The following LUC7L3 variants were observed in gnomAD, a reference collection of about 807,000 sequenced individuals.
The protein encoded by LUC7L3 is luc7-like protein 3.
Under a neutral mutation model 66.8 loss-of-function variants are expected in LUC7L3, and 6 were observed. The ratio of observed to expected loss-of-function variants is 0.09; its 90% confidence interval spans 0.05 to 0.18. The LOEUF (loss-of-function observed/expected upper bound fraction) is 0.18. Ranked by LOEUF, LUC7L3 falls within the 10% of genes least tolerant of loss-of-function variation. The pLI is 1.00. For synonymous variants in LUC7L3, 160 were observed against 174.7 expected, an observed-to-expected ratio of 0.92 and a Z score of 0.66; for missense variants, 341 against 531.1, an observed-to-expected ratio of 0.64 and a Z score of 3.52.
At chr17:50,737,833 G>C (rs1382641715) in intron 2 of LUC7L3, among the ~76,000 whole-genome samples, 1 of 152,134 alleles carries the variant, frequency 6.6e-6, no homozygotes, top group Non-Finnish European at 1.5e-5. Context: ...AGAGAGACTA[G>C]TTTATCTGAA....
chr17:50,750,065 T>C (rs1362557851), intron 9 of LUC7L3, among the ~76,000 whole-genome samples: 1 of 152,214 alleles, frequency 6.6e-6, no homozygotes, highest in African/African-American at 2.4e-5. Flanking sequence ...GTTGTAGTTT[T>C]TAAAACATGC....
In LUC7L3 at chr17:50,741,701, A is replaced by G. The variant is rs1970358368; in HGVS notation, c.396A>G (p.Leu132=). ...AAAATGAAGAAAAAATTCAGGTTCT[A>G]ACAGACAAAATTGATGTACTTCTGC... ...TGKNEEKIQV[L]TDKIDVLLQQ... The change falls in exon 5 of 10, where the codon CTA becomes CTG. Residue 132 remains leucine (L), a synonymous_variant. Transcript: ENST00000505658. The G allele has an allele frequency of 6.2e-7, 1 of 1,614,032 alleles. No individual in the cohort carries two copies. Among genetic ancestry groups the G allele is most frequent in the Non-Finnish European group, 8.5e-7 (1 of 1,179,886 alleles).
At chr17:50,723,903 G>C (rs886425208) in intron 1 of LUC7L3, 5 of 446,020 alleles carry the variant, frequency 1.1e-5, no homozygotes, top group Non-Finnish European at 1.8e-5. Context: ...CCAAAGTGCT[G>C]AGGTTACAGG....
chr17:50,724,552 C>G (rs72839259), intron 1 of LUC7L3, among the ~76,000 whole-genome samples: 12,815 of 150,772 alleles, frequency 0.085, 694 homozygotes, highest in Middle Eastern at 0.15. Context: ...AACCACAATA[C>G]CATAATCACT....
At chr17:50,735,667 T>C (rs570992679) in intron 1 of LUC7L3, among the ~76,000 whole-genome samples, 1 of 152,082 alleles carries the variant, frequency 6.6e-6, no homozygotes, top group South Asian at 2.1e-4. Context: ...CTGGCTACTT[T>C]CTGTATTTTT....
In LUC7L3 at chr17:50,741,205, C is replaced by A; in HGVS notation, c.310C>A (p.His104Asn). 1 of 1,614,118 alleles carries A rather than the reference C, an allele frequency of 6.2e-7. No homozygotes were observed. The highest frequency in any genetic ancestry group is 8.5e-7 in the Non-Finnish European group (1 of 1,179,984). Reference protein sequence around the residue: ...AEVERRIRRGHARLALSQNQQ... With the variant: ...AEVERRIRRGNARLALSQNQQ... ...AGTAGAACGTAGGATCAGACGAGGC[C>A]ATGCTCGTTTGGCATTATCTCAAAA... The change falls in exon 4 of 10, where the codon CAT becomes AAT. Residue 104 changes from histidine to asparagine, a missense_variant. Transcript: ENST00000505658.
At chr17:50,731,482 CTTA>C (rs1052198780) in intron 1 of LUC7L3, among the ~76,000 whole-genome samples, 1 of 152,122 alleles carries the variant, frequency 6.6e-6, no homozygotes, top group African/African-American at 2.4e-5. Flanking sequence ...TGGGTTTGTT[CTTA>C]TTATCATTAT....
intron 1 of LUC7L3, among the ~76,000 whole-genome samples, chr17:50,733,632 A>C (rs1162675187): frequency 6.6e-6 from 1 of 151,726 alleles, no homozygotes; most frequent in Admixed American, 6.6e-5. Flanking sequence ...CAATCTCCTG[A>C]CCTCGTGATC....
chr17:50,753,829 TAAATG>T lies in LUC7L3; in HGVS notation c.*3171_*3175del, dbSNP rs1376773595. On this transcript the variant is annotated 3_prime_UTR_variant, in exon 10 of 10. Transcript: ENST00000505658. ...ATCTAGAATCAACGTCTAACTAACTTAAATGAAGTATAATAAATGAGTTCATATGA... is the reference window on the plus strand; with the variant it reads ...ATCTAGAATCAACGTCTAACTAACTTAAGTATAATAAATGAGTTCATATGA... 1 of 152,182 alleles carries T rather than the reference TAAATG, an allele frequency of 6.6e-6. No homozygotes were observed. Among genetic ancestry groups the T allele is most frequent in the Non-Finnish European group, 1.5e-5 (1 of 68,034 alleles). 9.4% of individuals were successfully genotyped at this position (152,182 alleles called of 1,614,324 possible).
At chr17:50,738,310 C>A in intron 2 of LUC7L3, 1 of 223,242 alleles carries the variant, frequency 4.5e-6, no homozygotes, top group Non-Finnish European at 9.3e-6. Flanking sequence ...AACTTCCAGT[C>A]AGATTTTGGA....
chr17:50,723,737 C>T (rs1274936413), intron 1 of LUC7L3: 4 of 300,698 alleles, frequency 1.3e-5, no homozygotes, highest in African/African-American at 9.2e-5. Context: ...TCACTGCAAC[C>T]TCCACCTCCT....
chr17:50,729,032 T>C (rs1342110592), intron 1 of LUC7L3, among the ~76,000 whole-genome samples: 1 of 152,202 alleles, frequency 6.6e-6, no homozygotes, highest in Admixed American at 6.5e-5. Context: ...AAATGACATA[T>C]AACAAAAGTT....
At chr17:50,720,173 A>AT (rs1968648921) in intron 1 of LUC7L3, among the ~76,000 whole-genome samples, 2 of 152,172 alleles carry the variant, frequency 1.3e-5, no homozygotes, top group East Asian at 3.8e-4. Flanking sequence ...AGAAGGGCAC[A>AT]TTTTTCTATA....
chr17:50,736,876 T>G (rs960843684), intron 1 of LUC7L3, 84 bp from the exon 2 acceptor site: 2 of 802,028 alleles, frequency 2.5e-6, no homozygotes, highest in Non-Finnish European at 4.2e-6. Flanking sequence ...CCTCAAGAAA[T>G]GAGAAAATAG....
chr17:50,731,775 T>C (rs1969618748), intron 1 of LUC7L3, among the ~76,000 whole-genome samples: 1 of 152,128 alleles, frequency 6.6e-6, no homozygotes, highest in African/African-American at 2.4e-5. Context: ...TGGTCTCTGA[T>C]GGGGTGATTG....
At chr17:50,742,364 G>C (rs548118115) in intron 5 of LUC7L3, among the ~76,000 whole-genome samples, 1 of 151,882 alleles carries the variant, frequency 6.6e-6, no homozygotes, top group Admixed American at 6.6e-5. Flanking sequence ...TTTTGTTGTC[G>C]TTGTTACTGT....
Position 50,741,324 on chromosome 17 carries a change from C to T in LUC7L3, c.351+78C>T, listed in dbSNP as rs1970333885. 6 of 1,392,548 alleles carry T rather than the reference C, an allele frequency of 4.3e-6. No homozygotes were observed. In the Admixed American group the frequency reaches 1.5e-4, roughly 34 times the overall value. 86.3% of individuals were successfully genotyped at this position (1,392,548 alleles called of 1,614,324 possible). On this transcript the variant is annotated intron_variant, in intron 4 of 9. Coordinates refer to ENST00000505658, the MANE Select transcript of LUC7L3 (RefSeq NM_016424.5). ...AGAGACCTCCCTAATATTTTTGAAA[C>T]TTGTCTTCTGTTCATTACTTTGTTC...
At chr17:50,740,250 A>G (rs1340899871) in intron 2 of LUC7L3, 56 bp from the exon 3 acceptor site, 4 of 1,289,398 alleles carry the variant, frequency 3.1e-6, no homozygotes, top group Middle Eastern at 1.9e-4. Flanking sequence ...TTTTTTTGGC[A>G]AGAAAAGGTT....
rs774440661 is a variant in LUC7L3, at chr17:50,743,699, T to G, written c.427-7T>G. 3 of 1,568,702 alleles carry G rather than the reference T, an allele frequency of 1.9e-6. No individual in the cohort carries two copies. Among genetic ancestry groups the G allele is most frequent in the African/African-American group, 2.7e-5 (2 of 73,726 alleles). ...TCTTAACTGTTTTTTTCCCCTACTCTTCTAAGATTGAAGAATTAGGGTCTG... is the reference window on the plus strand; with the variant it reads ...TCTTAACTGTTTTTTTCCCCTACTCGTCTAAGATTGAAGAATTAGGGTCTG... On this transcript the variant is annotated splice_region_variant and splice_polypyrimidine_tract_variant and intron_variant, in intron 5 of 9. Transcript: ENST00000505658.
Sources: gnomAD v4.1 joint callset for allele counts (sites outside exome capture counted in the v4.1 genomes callset) on GRCh38, gnomAD v4.1.1 for gene constraint, MANE v1.5 for transcripts, NCBI Gene and HGNC (gene_info 2026-07-23, HGNC 2026-07-21) for gene names.